SP140L: variants seen among roughly 807,000 people sequenced by gnomAD.
SP140L encodes SP140 like nuclear body protein, also known as nuclear body protein SP140-like protein.
SP140L carries 64 observed loss-of-function variants against 84.3 expected under a neutral mutation model. The ratio of observed to expected loss-of-function variants is 0.76; its 90% CI spans 0.62 to 0.94. The LOEUF is 0.94. Among genes scored for constraint, SP140L ranks in the 40% least tolerant of loss-of-function variants. The pLI, the probability that SP140L is intolerant of heterozygous loss-of-function variation, is 0.00. For synonymous variants in SP140L, 242 were observed against 236.9 expected (o/e 1.02, Z -0.20); for missense variants, 628 against 692.5 (o/e 0.91, Z 1.05).
intron 2 of SP140L, among the ~76,000 whole-genome samples, chr2:230,345,577 T>C (rs1397181132): frequency 6.7e-6 from 1 of 149,750 alleles, no homozygotes; most frequent in African/African-American, 2.5e-5. Context: ...GGCTGTTTTG[T>C]AGTTCTTTTT....
At chr2:230,340,549 T>C (rs1264920609) in intron 2 of SP140L, among the ~76,000 whole-genome samples, 2 of 140,078 alleles carry the variant, frequency 1.4e-5, no homozygotes, top group Non-Finnish European at 3.1e-5. Flanking sequence ...GTTAGCTGGT[T>C]ATTTTGCTCG....
intron 7 of SP140L, among the ~76,000 whole-genome samples, chr2:230,383,102 A>C (rs1339284514): frequency 6.6e-6 from 1 of 152,234 alleles, no homozygotes; most frequent in Non-Finnish European, 1.5e-5. Context: ...AGAGTTCAGA[A>C]TATCTCCCAA....
At chr2:230,382,227 G>A (rs1347172897) in intron 7 of SP140L, among the ~76,000 whole-genome samples, 2 of 130,150 alleles carry the variant, frequency 1.5e-5, no homozygotes, top group African/African-American at 5.8e-5. Flanking sequence ...AGGGTTCTAT[G>A]TGGGACCTCA....
intron 2 of SP140L, among the ~76,000 whole-genome samples, chr2:230,342,557 C>T (rs1328731068): frequency 1.3e-5 from 2 of 152,136 alleles, no homozygotes; most frequent in Non-Finnish European, 2.9e-5. Context: ...TTTTTTCCTA[C>T]TTATTCAATC....
chr2:230,382,162 A>AC lies in SP140L; in HGVS notation c.638-1341dup, dbSNP rs1553624190. 6.5e-3 allele frequency among the ~76,000 whole-genome samples: 870 copies of AC among 133,626 alleles called. 8 individuals carry two copies. Among genetic ancestry groups the AC allele is most frequent in the African/African-American group, 0.02 (738 of 36,594 alleles). The allele number at this position is 133,626 out of a possible 152,430, so 87.7% of individuals were successfully genotyped here. A position where few individuals can be genotyped will look rare whatever the true frequency, so the allele number is the denominator to read the frequency against. ...CCATGACACCAACCAGGTAACAGTCACCCCCCCACCCACCCCAACAAATGA... is the reference window on the plus strand; with the variant it reads ...CCATGACACCAACCAGGTAACAGTCACCCCCCCCACCCACCCCAACAAATGA... On this transcript the variant is annotated intron_variant, in intron 7 of 18. Transcript: ENST00000415673.
chr2:230,367,414 G>A (rs548664689), intron 5 of SP140L, among the ~76,000 whole-genome samples: 4 of 149,552 alleles, frequency 2.7e-5, no homozygotes, highest in Admixed American at 6.7e-5. Flanking sequence ...TGCCTCAGCC[G>A]TCCAAGTAGC....
intron 10 of SP140L, 159 bp downstream of exon 10, chr2:230,388,792 C>T (rs2061690544): frequency 1.4e-6 from 1 of 727,196 alleles, no homozygotes; most frequent in Non-Finnish European, 2.1e-6. Context: ...CAAAATGTAT[C>T]AAGGAAAGAA....
chr2:230,364,211 T>A (rs1361070330), intron 5 of SP140L, among the ~76,000 whole-genome samples: 3 of 152,164 alleles, frequency 2.0e-5, no homozygotes, highest in Non-Finnish European at 4.4e-5. Flanking sequence ...TCTTTGGAAC[T>A]TTTATATGAT....
At chr2:230,355,219 A>G (rs2060506651) in intron 2 of SP140L, among the ~76,000 whole-genome samples, 1 of 152,202 alleles carries the variant, frequency 6.6e-6, no homozygotes, top group East Asian at 1.9e-4. Context: ...AAGGAAATCT[A>G]TAAATACTTT....
chr2:230,344,027 T>C (rs2060140111), intron 2 of SP140L, among the ~76,000 whole-genome samples: 1 of 152,218 alleles, frequency 6.6e-6, no homozygotes, highest in South Asian at 2.1e-4. Context: ...TCTGTAGATA[T>C]CTATCAGGTC....
intron 7 of SP140L, 48 bp from the exon 8 acceptor site, chr2:230,383,462 T>G: frequency 6.6e-7 from 1 of 1,524,864 alleles, no homozygotes; most frequent in Non-Finnish European, 8.8e-7. Context: ...GCTCAAATAA[T>G]TATATTTATT....
intron 18 of SP140L, 57 bp from the exon 19 acceptor site, chr2:230,402,741 T>C: frequency 7.7e-7 from 1 of 1,295,510 alleles, no homozygotes; most frequent in Non-Finnish European, 1.1e-6. Context: ...AGTTGAAAGG[T>C]ATCTAATGAC....
At chr2:230,397,602 T>C (rs2062108288) in intron 14 of SP140L, among the ~76,000 whole-genome samples, 1 of 152,212 alleles carries the variant, frequency 6.6e-6, no homozygotes, top group African/African-American at 2.4e-5. Context: ...CTCCTTTTCA[T>C]TGCAGTGAGA....
rs12994857 is a variant in SP140L at position 230,387,333 on chromosome 2, A to T, written c.785-1226A>T. On this transcript the variant is annotated intron_variant, in intron 9 of 18. Transcript: ENST00000415673. ...AATATTAACAGGATGACAACTTGCA[A>T]ATTTGAAACTTGTTTGATCTTGGGA... Among the ~76,000 whole-genome samples the T allele has an allele frequency of 1.4e-4, 22 of 152,192 alleles. No individual in the cohort carries two copies. In the Middle Eastern group the frequency reaches 0.014, roughly 94 times the overall value.
chr2:230,340,400 G>A (rs2060005084), intron 2 of SP140L, among the ~76,000 whole-genome samples: 1 of 148,370 alleles, frequency 6.7e-6, no homozygotes, highest in East Asian at 2.0e-4. Context: ...CACGTGAGAT[G>A]CGTTTCCTGA....
chr2:230,383,391 A>C, intron 7 of SP140L, 119 bp from the exon 8 acceptor site: 3 of 976,700 alleles, frequency 3.1e-6, no homozygotes, highest in Non-Finnish European at 4.5e-6. Context: ...ATCATAAAGA[A>C]TTTTGCCCCA....
At chr2:230,380,076 T>A (rs2061357495) in intron 7 of SP140L, among the ~76,000 whole-genome samples, 1 of 152,194 alleles carries the variant, frequency 6.6e-6, no homozygotes, top group African/African-American at 2.4e-5. Context: ...GGAAAAAGAA[T>A]ACAGGTTTAA....
chr2:230,352,339 A>G (rs62192168), intron 2 of SP140L, among the ~76,000 whole-genome samples: 21,669 of 152,146 alleles, frequency 0.14, 1,644 homozygotes, highest in East Asian at 0.26. Context: ...CAGTTCCACA[A>G]CCTTAACAGG....
intron 6 of SP140L, 131 bp downstream of exon 6, chr2:230,371,098 A>T: frequency 1.4e-6 from 1 of 731,176 alleles, no homozygotes; most frequent in Non-Finnish European, 2.4e-6. Context: ...GCCTTTGGGG[A>T]ACTGCAGAGA....
Sources: allele counts gnomAD v4.1 joint callset (sites outside exome capture counted in the v4.1 genomes callset), GRCh38; gene constraint gnomAD v4.1.1; transcripts MANE v1.5; gene names NCBI Gene and HGNC (gene_info 2026-07-23, HGNC 2026-07-21).